ATG4B: variants seen among roughly 807,000 people sequenced by gnomAD.
The protein encoded by ATG4B is autophagy related 4B cysteine peptidase, also known as cysteine protease ATG4B.
A neutral mutation model predicts 56.6 loss-of-function variants in ATG4B; 29 were observed. The ratio of observed to expected loss-of-function variants is 0.51; its 90% confidence interval spans 0.38 to 0.70. The LOEUF is 0.70. Ranked by LOEUF, ATG4B falls within the 30% of genes least tolerant of loss-of-function variation. The probability of loss-of-function intolerance (pLI) is 0.00; values close to 1 mark genes in which losing one functional copy is unlikely to be tolerated. For synonymous variants in ATG4B, 224 were observed against 206.1 expected (o/e 1.09, Z -0.74); for missense variants, 461 against 515.5 (o/e 0.89, Z 1.02).
chr2:241,658,072 C>T (rs1032670882), intron 6 of ATG4B, among the ~76,000 whole-genome samples: 2 of 152,220 alleles, frequency 1.3e-5, no homozygotes, highest in South Asian at 2.1e-4. Context: ...CCCGTTCCTG[C>T]GTTACTGTTC....
At chr2:241,655,707 G>C (rs2068377697) in intron 6 of ATG4B, among the ~76,000 whole-genome samples, 1 of 152,126 alleles carries the variant, frequency 6.6e-6, no homozygotes, top group South Asian at 2.1e-4. Context: ...CCCTCCGCGG[G>C]CCTTGCCACC....
At chr2:241,664,527 G>C (rs1387814561) in intron 7 of ATG4B, among the ~76,000 whole-genome samples, 1 of 152,076 alleles carries the variant, frequency 6.6e-6, no homozygotes, top group Middle Eastern at 3.4e-3. Context: ...GACACAGTAA[G>C]ACCCTGTCTC....
chr2:241,668,338 C>G lies in ATG4B; in HGVS notation c.811+117C>G. 1 of 1,398,164 alleles carries G rather than the reference C, an allele frequency of 7.2e-7. No individual in the cohort carries two copies. The highest frequency in any genetic ancestry group is 1.8e-4 in the Middle Eastern group (1 of 5,698). 86.6% of individuals were successfully genotyped at this position (1,398,164 alleles called of 1,614,324 possible). ...GCCACTGGTGGAAAAGCAGCATGCCCTGGGGTTCATTTTCAGCCTGGTCGC... is the reference window on the plus strand; with the variant it reads ...GCCACTGGTGGAAAAGCAGCATGCCGTGGGGTTCATTTTCAGCCTGGTCGC... On this transcript the variant is annotated intron_variant, in intron 9 of 12. Coordinates refer to ENST00000404914, the MANE Select transcript of ATG4B (RefSeq NM_013325.5). The surrounding 1 kb of genome is among the most constrained non-coding windows in gnomAD (Gnocchi z 4.2).
At chr2:241,637,840 C>A in intron 1 of ATG4B, 116 bp downstream of exon 1, 1 of 1,062,830 alleles carries the variant, frequency 9.4e-7, no homozygotes, top group Non-Finnish European at 1.2e-6. Flanking sequence ...GCGGGCCAGG[C>A]TGGGCCGGGG....
chr2:241,672,391 G>T lies in ATG4B; in HGVS notation c.*127G>T, dbSNP rs906349514. ...GCTGCCTCCCCCCAGAGGGCCACCCGCTGTGCTCGTGGACTGAGGCTGCGC... is the reference window on the plus strand; with the variant it reads ...GCTGCCTCCCCCCAGAGGGCCACCCTCTGTGCTCGTGGACTGAGGCTGCGC... On this transcript the variant is annotated 3_prime_UTR_variant, in exon 13 of 13. Transcript: ENST00000404914. 2.4e-6 allele frequency: 2 copies of T among 847,268 alleles called. No homozygotes were observed. The highest frequency in any genetic ancestry group is 4.7e-5 in the Admixed American group (2 of 42,852). The allele number at this position is 847,268 out of a possible 1,614,324, so 52.5% of individuals were successfully genotyped here.
chr2:241,660,468 T>G (rs2068557425), intron 7 of ATG4B, among the ~76,000 whole-genome samples: 1 of 152,230 alleles, frequency 6.6e-6, no homozygotes, highest in African/African-American at 2.4e-5. Context: ...CAGCAGGCTC[T>G]CCTTCCAGGA....
chr2:241,663,103 C>T (rs752737230), intron 7 of ATG4B, among the ~76,000 whole-genome samples: 18 of 152,304 alleles, frequency 1.2e-4, no homozygotes, highest in African/African-American at 2.4e-4. Flanking sequence ...CATGGTGGCA[C>T]GCCCTCGTAA....
At chr2:241,648,607 G>GAA (rs796479347) in intron 1 of ATG4B, among the ~76,000 whole-genome samples, 3 of 139,146 alleles carry the variant, frequency 2.2e-5, no homozygotes, top group African/African-American at 8.0e-5. Flanking sequence ...AAAAAAAAAA[G>GAA]AAAAAAAAAC....
intron 7 of ATG4B, among the ~76,000 whole-genome samples, chr2:241,660,961 G>C (rs1005733950): frequency 3.9e-5 from 6 of 152,146 alleles, no homozygotes. Context: ...GGGCTTCCTA[G>C]AACCTCCGTC....
chr2:241,645,888 A>G (rs149812380), intron 1 of ATG4B, among the ~76,000 whole-genome samples: 7,392 of 152,134 alleles, frequency 0.049, 352 homozygotes, highest in African/African-American at 0.12. Flanking sequence ...TGGACGGAGG[A>G]GCAGAGCAGC....
rs755328516 is a variant in ATG4B, at chr2:241,651,071, G to C, written c.72G>C (p.Glu24Asp). Residue 24 changes from glutamate to aspartate, a missense_variant, in exon 2 of 13, where the codon GAG becomes GAC. By Grantham distance (45) the Glu-to-Asp change is conservative. Coordinates refer to ENST00000404914, the MANE Select transcript of ATG4B (RefSeq NM_013325.5). This position sits in a 1 kb window ranked among gnomAD's most constrained non-coding sequence, Gnocchi z 4.1. ...AEFEDFPETS[E>D]PVWILGRKYS... ...TTGAAGATTTTCCTGAGACCTCAGA[G>C]CCCGTTTGGATACTGGGTAGAAAAT... 6.2e-7 allele frequency: 1 copy of C among 1,613,920 alleles called. No individual in the cohort carries two copies. The highest frequency in any genetic ancestry group is 1.7e-5 in the Admixed American group (1 of 60,024).
At chr2:241,644,755 G>A (rs538690668) in intron 1 of ATG4B, among the ~76,000 whole-genome samples, 2 of 152,240 alleles carry the variant, frequency 1.3e-5, no homozygotes, top group East Asian at 1.9e-4. Flanking sequence ...TTCGAGACCA[G>A]CCTGACCAAC....
rs1413905275 is a variant in ATG4B at position 241,668,007 on chromosome 2, G to C, written c.733-136G>C. On this transcript the variant is annotated intron_variant, in intron 8 of 12. Coordinates refer to ENST00000404914, the MANE Select transcript of ATG4B (RefSeq NM_013325.5). The surrounding 1 kb of genome is among the most constrained non-coding windows in gnomAD (Gnocchi z 4.2). ...GTCTTTCCTGGACAGTAAGCTCTTTGGTACCATGTCCCCTCCTGTCCCCTC... is the reference window on the plus strand; with the variant it reads ...GTCTTTCCTGGACAGTAAGCTCTTTCGTACCATGTCCCCTCCTGTCCCCTC... The C allele has an allele frequency of 1.3e-6, 1 of 750,410 alleles. No homozygotes were observed. The highest frequency in any genetic ancestry group is 1.8e-5 in the African/African-American group (1 of 56,572). 46.5% of individuals were successfully genotyped at this position (750,410 alleles called of 1,614,324 possible).
intron 7 of ATG4B, among the ~76,000 whole-genome samples, chr2:241,666,213 C>A (rs374947626): frequency 6.6e-6 from 1 of 152,226 alleles, no homozygotes; most frequent in South Asian, 2.1e-4. Context: ...TTGATGTGTC[C>A]TCCGGACCAT....
chr2:241,654,165 G>A (rs1423116016), intron 4 of ATG4B, among the ~76,000 whole-genome samples: 1 of 152,126 alleles, frequency 6.6e-6, no homozygotes, highest in Non-Finnish European at 1.5e-5. Flanking sequence ...GCTCACGCCT[G>A]TAATCCCAGC....
intron 10 of ATG4B, 68 bp from the exon 11 acceptor site, chr2:241,670,658 G>GA (rs2068938695): frequency 6.3e-6 from 9 of 1,424,390 alleles, no homozygotes; most frequent in Non-Finnish European, 8.8e-6. Flanking sequence ...AGTGGGAATG[G>GA]AAGCCCCCAC....
Position 241,668,829 on chromosome 2 carries a change from A to T in ATG4B, c.957+144A>T. 8.0e-7 allele frequency: 1 copy of T among 1,247,674 alleles called. No individual in the cohort carries two copies. Among genetic ancestry groups the T allele is most frequent in the Non-Finnish European group, 1.1e-6 (1 of 910,152 alleles). 77.3% of individuals were successfully genotyped at this position (1,247,674 alleles called of 1,614,324 possible). A position where few individuals can be genotyped will look rare whatever the true frequency, so the allele number is the denominator to read the frequency against. On this transcript the variant is annotated intron_variant, in intron 10 of 12. Transcript: ENST00000404914. The surrounding 1 kb of genome is among the most constrained non-coding windows in gnomAD (Gnocchi z 4.2). ...TCACGTGGTTGGGAATCTGAAGGGT[A>T]TAAGAGCCGGAACTGTGTCCTTGCA...
rs183923661 is a variant in ATG4B at position 241,638,999 on chromosome 2, C to G, written c.10+1275C>G. 1.3e-3 allele frequency among the ~76,000 whole-genome samples: 198 copies of G among 152,338 alleles called. 1 individual carries two copies. Among genetic ancestry groups the G allele is most frequent in the Admixed American group, 2.8e-3 (43 of 15,304 alleles). ...TGGCGAGGCCCCTGCCCAGGCCTTG[C>G]TTGGGTCCAGGCTCGCCGCAGGAGA... On this transcript the variant is annotated intron_variant, in intron 1 of 12. Transcript: ENST00000404914.
intron 1 of ATG4B, among the ~76,000 whole-genome samples, chr2:241,644,829 A>G (rs532526685): frequency 6.6e-6 from 1 of 151,748 alleles, no homozygotes; most frequent in Non-Finnish European, 1.5e-5. Context: ...CACACCTGTA[A>G]TCCCAGCTAC....
Sources: allele counts gnomAD v4.1 joint callset (sites outside exome capture counted in the v4.1 genomes callset), GRCh38; gene constraint gnomAD v4.1.1; non-coding constraint Gnocchi (gnomAD v3.1); transcripts MANE v1.5; gene names NCBI Gene and HGNC (gene_info 2026-07-23, HGNC 2026-07-21).